PLPPR1: variants seen among roughly 807,000 people sequenced by gnomAD.
The protein encoded by PLPPR1 is phospholipid phosphatase-related protein type 1.
In PLPPR1, 10 loss-of-function variants were observed where a neutral mutation model predicts 33.1. The observed-to-expected ratio is 0.30, with a 90% CI of 0.19 to 0.51. The LOEUF is 0.51. PLPPR1 is among the 20% of genes least tolerant of loss of function. The probability of loss-of-function intolerance (pLI) is 0.97; values close to 1 mark genes in which losing one functional copy is unlikely to be tolerated. For synonymous variants in PLPPR1, 151 were observed against 151.0 expected, an observed-to-expected ratio of 1.00 and a Z score of 0.00; for missense variants, 304 against 408.1, an observed-to-expected ratio of 0.74 and a Z score of 2.20.
chr9:101,045,741 A>G (rs1340401221), intron 1 of PLPPR1, among the ~76,000 whole-genome samples: 3 of 152,218 alleles, frequency 2.0e-5, no homozygotes, highest in African/African-American at 7.2e-5. Flanking sequence ...AATCCACCAG[A>G]TGATTTCCAG....
chr9:101,094,271 G>C (rs185750330), intron 1 of PLPPR1, among the ~76,000 whole-genome samples: 1 of 152,032 alleles, frequency 6.6e-6, no homozygotes, highest in Non-Finnish European at 1.5e-5. Flanking sequence ...TCTATAGCTC[G>C]CATTTTTTCT....
chr9:101,149,646 A>G (rs1445996568), intron 1 of PLPPR1, among the ~76,000 whole-genome samples: 1 of 152,202 alleles, frequency 6.6e-6, no homozygotes, highest in African/African-American at 2.4e-5. Flanking sequence ...CTAATTCATT[A>G]CGTTGTCATA....
intron 2 of PLPPR1, among the ~76,000 whole-genome samples, chr9:101,268,278 G>T (rs1034735442): frequency 4.7e-5 from 7 of 148,540 alleles, no homozygotes; most frequent in Middle Eastern, 3.5e-3. Context: ...AATCTTTGAT[G>T]TGAAAAAAAA....
At chr9:101,246,073 T>TGA (rs1827596624) in intron 2 of PLPPR1, among the ~76,000 whole-genome samples, 3 of 93,508 alleles carry the variant, frequency 3.2e-5, no homozygotes, top group Non-Finnish European at 7.4e-5. Context: ...TATATATATA[T>TGA]ATATATATAT....
intron 2 of PLPPR1, among the ~76,000 whole-genome samples, chr9:101,218,050 A>C (rs1272271737): frequency 6.6e-6 from 1 of 152,166 alleles, no homozygotes; most frequent in African/African-American, 2.4e-5. Context: ...TGCTATATAC[A>C]TGACTAGATT....
At chr9:101,263,749 C>T (rs1827939867) in intron 2 of PLPPR1, among the ~76,000 whole-genome samples, 2 of 152,190 alleles carry the variant, frequency 1.3e-5, no homozygotes, top group Non-Finnish European at 2.9e-5. Context: ...CTGTCTGTGC[C>T]TGTTTCCTCA....
intron 1 of PLPPR1, among the ~76,000 whole-genome samples, chr9:101,135,958 G>A (rs1405419396): frequency 6.6e-6 from 1 of 152,202 alleles, no homozygotes; most frequent in Non-Finnish European, 1.5e-5. Flanking sequence ...AGAGGAGGCA[G>A]GTCAGAAACC....
At chr9:101,257,153 A>G (rs918606755) in intron 2 of PLPPR1, among the ~76,000 whole-genome samples, 1 of 152,072 alleles carries the variant, frequency 6.6e-6, no homozygotes, top group African/African-American at 2.4e-5. Context: ...CAGTAACAAA[A>G]TCTGTCAAAT....
chr9:101,157,547 G>A (rs534125784), intron 1 of PLPPR1, among the ~76,000 whole-genome samples: 44 of 152,246 alleles, frequency 2.9e-4, no homozygotes, highest in African/African-American at 9.1e-4. Context: ...CCCAGGATAA[G>A]CATATATGGT....
chr9:101,227,054 C>T (rs1827086357), intron 2 of PLPPR1, among the ~76,000 whole-genome samples: 1 of 152,058 alleles, frequency 6.6e-6, no homozygotes, highest in Non-Finnish European at 1.5e-5. Context: ...CTAATTGTGA[C>T]ACAGAAGCAG....
chr9:101,046,851 T>C (rs949530382), intron 1 of PLPPR1, among the ~76,000 whole-genome samples: 1 of 152,210 alleles, frequency 6.6e-6, no homozygotes, highest in Non-Finnish European at 1.5e-5. Context: ...TCATAAATCC[T>C]TTTAATTATT....
At chr9:101,042,718 G>T (rs970691603) in intron 1 of PLPPR1, among the ~76,000 whole-genome samples, 1 of 152,138 alleles carries the variant, frequency 6.6e-6, no homozygotes, top group Non-Finnish European at 1.5e-5. Flanking sequence ...AAAGTTTAAT[G>T]AAATTATAAT....
chr9:101,168,535 T>C (rs766304481), intron 1 of PLPPR1, among the ~76,000 whole-genome samples: 87 of 152,182 alleles, frequency 5.7e-4, no homozygotes, highest in Non-Finnish European at 1.2e-4. Context: ...TCATTCTCTA[T>C]GTTATTTTTT....
intron 2 of PLPPR1, among the ~76,000 whole-genome samples, chr9:101,256,873 T>C (rs1198750846): frequency 6.6e-6 from 1 of 152,094 alleles, no homozygotes; most frequent in Admixed American, 6.6e-5. Context: ...ACAAAAGGCT[T>C]TTATTAAATT....
At chr9:101,153,395 G>A (rs961411838) in intron 1 of PLPPR1, among the ~76,000 whole-genome samples, 1 of 152,092 alleles carries the variant, frequency 6.6e-6, no homozygotes, top group African/African-American at 2.4e-5. Flanking sequence ...TCTTTCTCCT[G>A]CCTGATTGCC....
In PLPPR1 at chr9:101,164,912, C is replaced by T. The variant is rs532042406; in HGVS notation, c.-45-20538C>T. ...TGATTGACTATGCATTAATCAGAGT[C>T]TTTTGCAGATATGAGAGGGGAGGGG... On this transcript the variant is annotated intron_variant, in intron 1 of 7. Transcript: ENST00000374874. 5.3e-5 allele frequency among the ~76,000 whole-genome samples: 8 copies of T among 152,074 alleles called. No individual in the cohort carries two copies. The East Asian group carries it at 1.6e-3, about 30-fold the overall frequency.
chr9:101,202,061 C>T (rs1185095860), intron 2 of PLPPR1, among the ~76,000 whole-genome samples: 1 of 152,162 alleles, frequency 6.6e-6, no homozygotes, highest in East Asian at 1.9e-4. Flanking sequence ...TTAATCAGGT[C>T]CAACCAGTTT....
rs990673190 is a variant in PLPPR1 at position 101,125,825 on chromosome 9, A to G, written c.-45-59625A>G. The G allele has an allele frequency of 7.4e-6, 5 of 671,644 alleles. No homozygotes were observed. In the African/African-American group the frequency reaches 9.1e-5, roughly 12 times the overall value. The allele number at this position is 671,644 out of a possible 1,614,324, so 41.6% of individuals were successfully genotyped here. A position where few individuals can be genotyped will look rare whatever the true frequency, so the allele number is the denominator to read the frequency against. On this transcript the variant is annotated intron_variant, in intron 1 of 7. Transcript: ENST00000374874. ...CTTAAAACTCTGTTGTGAAGGCTTC[A>G]TTTTGTTTTCCACCAATGTAGTAGG...
intron 1 of PLPPR1, among the ~76,000 whole-genome samples, chr9:101,062,612 T>C (rs1588012581): frequency 1.3e-5 from 2 of 152,116 alleles, no homozygotes; most frequent in South Asian, 4.1e-4. Flanking sequence ...GAACATCTTA[T>C]GACACATTGT....
Sources: allele counts gnomAD v4.1 joint callset (sites outside exome capture counted in the v4.1 genomes callset), GRCh38; gene constraint gnomAD v4.1.1; transcripts MANE v1.5; gene names NCBI Gene and HGNC (gene_info 2026-07-23, HGNC 2026-07-21).